The following DLG2 variants were observed in gnomAD, a reference collection of about 807,000 sequenced individuals.
DLG2 encodes the protein disks large homolog 2.
In DLG2, 45 loss-of-function variants were observed where a neutral mutation model predicts 132.5. That is an observed-to-expected ratio of 0.34 (90% CI 0.27 to 0.44). The LOEUF (loss-of-function observed/expected upper bound fraction) is 0.44, where lower values mean the gene tolerates loss of function less well. Among genes scored for constraint, DLG2 ranks in the 20% least tolerant of loss-of-function variants. DLG2 has a pLI of 1.00. For missense variants in DLG2, 1,045 were observed against 1,196.9 expected (o/e 0.87, Z 1.87); for synonymous variants, 424 against 419.6 (o/e 1.01, Z -0.13).
intron 6 of DLG2, among the ~76,000 whole-genome samples, chr11:84,861,389 TACCG>T (rs1411764770): frequency 6.6e-6 from 1 of 152,018 alleles, no homozygotes; most frequent in Non-Finnish European, 1.5e-5. Flanking sequence ...CTTCTGACAT[TACCG>T]ACCCTTTCTG....
At chr11:84,112,326 T>TC (rs2093402845) in intron 9 of DLG2, among the ~76,000 whole-genome samples, 1 of 6,624 alleles carries the variant, frequency 1.5e-4, no homozygotes, top group African/African-American at 2.8e-4. Flanking sequence ...CTTTTCCTTT[T>TC]TTTTTTTTTT....
chr11:84,268,911 C>T (rs1298219559), intron 7 of DLG2, among the ~76,000 whole-genome samples: 1 of 152,082 alleles, frequency 6.6e-6, no homozygotes, highest in African/African-American at 2.4e-5. Context: ...TTTGAACTGC[C>T]AGTACCTAGC....
chr11:84,360,184 A>T (rs1262650918), intron 7 of DLG2, among the ~76,000 whole-genome samples: 1 of 151,932 alleles, frequency 6.6e-6, no homozygotes, highest in Non-Finnish European at 1.5e-5. Context: ...TGAGAGAGAA[A>T]ATGCCTTATA....
chr11:83,649,154 A>G (rs1399633062), intron 18 of DLG2, among the ~76,000 whole-genome samples: 10 of 152,132 alleles, frequency 6.6e-5, no homozygotes, highest in African/African-American at 2.4e-4. Context: ...CTGGCCTCTA[A>G]GTATAGGAAC....
intron 5 of DLG2, among the ~76,000 whole-genome samples, chr11:85,122,078 A>T (rs1156296864): frequency 6.6e-6 from 1 of 152,204 alleles, no homozygotes; most frequent in African/African-American, 2.4e-5. Context: ...GAATCAATCA[A>T]CACTTGTAGT....
intron 18 of DLG2, among the ~76,000 whole-genome samples, chr11:83,669,112 C>T (rs2076382968): frequency 6.6e-6 from 1 of 151,982 alleles, no homozygotes; most frequent in Non-Finnish European, 1.5e-5. Flanking sequence ...ATTCACTGAA[C>T]CCCTGCTACT....
intron 15 of DLG2, among the ~76,000 whole-genome samples, chr11:83,891,358 T>C (rs2069809130): frequency 6.6e-6 from 1 of 152,138 alleles, no homozygotes; most frequent in South Asian, 2.1e-4. Context: ...ATAGTTTTAG[T>C]GGGAAGACTT....
chr11:83,676,109 A>T (rs2077643418), intron 18 of DLG2, among the ~76,000 whole-genome samples: 1 of 152,076 alleles, frequency 6.6e-6, no homozygotes, highest in Non-Finnish European at 1.5e-5. Context: ...ATCCTACCTA[A>T]GCTTTAGAAT....
intron 6 of DLG2, among the ~76,000 whole-genome samples, chr11:85,001,629 GCA>G (rs2058221205): frequency 6.6e-6 from 1 of 152,188 alleles, no homozygotes; most frequent in Non-Finnish European, 1.5e-5. Flanking sequence ...AATGGGAAGA[GCA>G]CAGAGGATTT....
At chr11:83,512,813 G>C (rs1012213663) in intron 21 of DLG2, among the ~76,000 whole-genome samples, 1 of 152,004 alleles carries the variant, frequency 6.6e-6, no homozygotes, top group Admixed American at 6.6e-5. Flanking sequence ...ATAGTTTGCT[G>C]AGAATGATGG....
At chr11:84,839,757 T>C (rs1476062670) in intron 6 of DLG2, among the ~76,000 whole-genome samples, 1 of 152,100 alleles carries the variant, frequency 6.6e-6, no homozygotes, top group Non-Finnish European at 1.5e-5. Context: ...CCCTATTTAA[T>C]AAATGATGCT....
intron 9 of DLG2, among the ~76,000 whole-genome samples, chr11:84,120,972 CA>C (rs1316612053): frequency 2.0e-5 from 3 of 152,214 alleles, no homozygotes; most frequent in African/African-American, 7.2e-5. Flanking sequence ...TTGTAAGCTA[CA>C]ACACTACTCT....
chr11:85,462,466 C>T (rs2092647632), intron 3 of DLG2, among the ~76,000 whole-genome samples: 1 of 152,140 alleles, frequency 6.6e-6, no homozygotes, highest in Non-Finnish European at 1.5e-5. Flanking sequence ...GAATACTATG[C>T]AGCCATAAAA....
intron 6 of DLG2, among the ~76,000 whole-genome samples, chr11:84,896,773 ATAT>A (rs1343279868): frequency 1.3e-5 from 2 of 151,966 alleles, no homozygotes; most frequent in Non-Finnish European, 1.5e-5. Context: ...TTATTAGGGT[ATAT>A]TATTATAATT....
At chr11:83,957,024 A>T (rs2087049065) in intron 14 of DLG2, among the ~76,000 whole-genome samples, 1 of 152,244 alleles carries the variant, frequency 6.6e-6, no homozygotes, top group Non-Finnish European at 1.5e-5. Flanking sequence ...AAGAAAAATA[A>T]CGTAGTTTGT....
chr11:85,277,891 A>G (rs905934382), intron 4 of DLG2, among the ~76,000 whole-genome samples: 1 of 152,144 alleles, frequency 6.6e-6, no homozygotes, highest in Non-Finnish European at 1.5e-5. Context: ...TCTCTTGTCT[A>G]TGATCTACTA....
intron 6 of DLG2, among the ~76,000 whole-genome samples, chr11:84,654,605 G>A (rs2099685986): frequency 6.6e-6 from 1 of 152,130 alleles, no homozygotes. Flanking sequence ...TTTTCCAACT[G>A]TATTAAAGGA....
intron 6 of DLG2, among the ~76,000 whole-genome samples, chr11:84,612,886 G>A (rs1342865391): frequency 1.3e-5 from 2 of 152,132 alleles, no homozygotes; most frequent in African/African-American, 2.4e-5. Context: ...TGGTGTGGCT[G>A]TGATTTGAGT....
chr11:85,061,441 T>A (rs1301147031), intron 6 of DLG2, among the ~76,000 whole-genome samples: 2 of 151,850 alleles, frequency 1.3e-5, no homozygotes, highest in African/African-American at 4.8e-5. Flanking sequence ...AATTTGCAAC[T>A]TGAATTTCTC....
Sources: allele counts gnomAD v4.1 joint callset (sites outside exome capture counted in the v4.1 genomes callset), GRCh38; gene constraint gnomAD v4.1.1; transcripts MANE v1.5; gene names NCBI Gene and HGNC (gene_info 2026-07-23, HGNC 2026-07-21).